MORC1: variants seen among roughly 807,000 people sequenced by gnomAD.
MORC1 encodes the protein MORC family CW-type zinc finger 1, also known as MORC family CW-type zinc finger protein 1.
A neutral mutation model predicts 134.9 loss-of-function variants in MORC1; 59 were observed. That is an observed-to-expected ratio of 0.44 (90% CI 0.35 to 0.54). The LOEUF is 0.54. Ranked by LOEUF, MORC1 falls within the 20% of genes least tolerant of loss-of-function variation. MORC1 has a pLI of 0.00. For missense variants in MORC1, 947 were observed against 1,134.5 expected (o/e 0.83, Z 2.37); for synonymous variants, 395 against 391.7 (o/e 1.01, Z -0.10).
chr3:108,990,335 A>AC (rs1020343212), intron 21 of MORC1, among the ~76,000 whole-genome samples: 6 of 151,234 alleles, frequency 4.0e-5, no homozygotes, highest in Non-Finnish European at 7.4e-5. Flanking sequence ...GCATAATCTG[A>AC]CCCCCCCACC....
chr3:109,043,738 C>T (rs1949615801), intron 14 of MORC1, among the ~76,000 whole-genome samples: 1 of 152,174 alleles, frequency 6.6e-6, no homozygotes. Flanking sequence ...ATGTCTTCAA[C>T]TTGTAGGTCG....
chr3:109,000,766 A>T (rs1948383232), intron 20 of MORC1, 108 bp from the exon 21 acceptor site: 2 of 769,114 alleles, frequency 2.6e-6, no homozygotes, highest in South Asian at 4.1e-5. Flanking sequence ...AGACTTTTGT[A>T]GGATATATAG....
At chr3:109,096,207 T>C (rs905244765) in intron 6 of MORC1, among the ~76,000 whole-genome samples, 1 of 151,958 alleles carries the variant, frequency 6.6e-6, no homozygotes, top group African/African-American at 2.4e-5. Flanking sequence ...CAGAAAAAAA[T>C]TCAGTGAAAG....
intron 17 of MORC1, among the ~76,000 whole-genome samples, chr3:109,009,364 C>T (rs564111007): frequency 6.6e-6 from 1 of 152,150 alleles, no homozygotes; most frequent in Non-Finnish European, 1.5e-5. Context: ...TGCCACCACG[C>T]CCAGCTAATT....
intron 8 of MORC1, among the ~76,000 whole-genome samples, chr3:109,079,037 A>C (rs1950475345): frequency 1.3e-5 from 2 of 152,044 alleles, no homozygotes; most frequent in South Asian, 4.1e-4. Context: ...GTTCTAAAAA[A>C]TCTATGGGCA....
chr3:108,965,485 G>A (rs958530217), intron 26 of MORC1, among the ~76,000 whole-genome samples: 1 of 152,174 alleles, frequency 6.6e-6, no homozygotes, highest in African/African-American at 2.4e-5. Flanking sequence ...GATGCCAGGA[G>A]TTAGAGGTAA....
chr3:109,044,280 A>T (rs1046759992), intron 14 of MORC1, among the ~76,000 whole-genome samples: 2 of 148,286 alleles, frequency 1.3e-5, no homozygotes, highest in African/African-American at 2.5e-5. Flanking sequence ...GCACCTGGGG[A>T]AAAAAAAAAG....
At chr3:109,036,779 C>T (rs1308933991) in intron 14 of MORC1, among the ~76,000 whole-genome samples, 1 of 152,152 alleles carries the variant, frequency 6.6e-6, no homozygotes, top group Non-Finnish European at 1.5e-5. Context: ...CAGGTCTGCC[C>T]TCTTGTCTCT....
In MORC1 at chr3:108,960,065, G is replaced by A. The variant is rs571611815; in HGVS notation, c.2800-945C>T. 2.0e-5 allele frequency among the ~76,000 whole-genome samples: 3 copies of A among 152,280 alleles called. No individual in the cohort carries two copies. The East Asian group carries it at 5.8e-4, about 29-fold the overall frequency. ...TAATTTTTTAAAAAGAGAGAAATCA[G>A]CAGTTAACAAATAACAGATAACTTA... On this transcript the variant is annotated intron_variant, in intron 27 of 27. Transcript: ENST00000232603.
intron 6 of MORC1, among the ~76,000 whole-genome samples, chr3:109,098,197 C>T (rs150795482): frequency 1.5e-3 from 228 of 152,168 alleles, no homozygotes; most frequent in African/African-American, 5.1e-3. Flanking sequence ...AGATGCACTC[C>T]ACCGTGCCCA....
intron 12 of MORC1, among the ~76,000 whole-genome samples, chr3:109,058,058 T>C (rs1236550190): frequency 6.6e-6 from 1 of 152,226 alleles, no homozygotes; most frequent in Non-Finnish European, 1.5e-5. Flanking sequence ...TTGTGTGAGT[T>C]TTCTATTAAA....
intron 16 of MORC1, among the ~76,000 whole-genome samples, chr3:109,029,554 C>G (rs1949185722): frequency 6.6e-6 from 1 of 152,096 alleles, no homozygotes. Flanking sequence ...ATCATTTTTT[C>G]TCTGCTGGTA....
chr3:109,015,643 T>C lies in MORC1; in HGVS notation c.1705-8552A>G, dbSNP rs74893803. 3.0e-4 allele frequency among the ~76,000 whole-genome samples: 45 copies of C among 152,348 alleles called. No homozygotes were observed. The East Asian group carries it at 8.7e-3, about 29-fold the overall frequency. ...AGTTCTTCTAATTCTTTCAGGATTATTATCAATGTTCTTCATATGCATAGA... is the reference window on the plus strand; with the variant it reads ...AGTTCTTCTAATTCTTTCAGGATTACTATCAATGTTCTTCATATGCATAGA... On this transcript the variant is annotated intron_variant, in intron 17 of 27. Coordinates refer to ENST00000232603, the MANE Select transcript of MORC1 (RefSeq NM_014429.4).
intron 14 of MORC1, among the ~76,000 whole-genome samples, chr3:109,046,810 T>G (rs1949706376): frequency 6.6e-6 from 1 of 152,194 alleles, no homozygotes; most frequent in Non-Finnish European, 1.5e-5. Context: ...AATTAATATA[T>G]CCATTTCACA....
chr3:109,084,589 T>G (rs1156567577), intron 8 of MORC1, among the ~76,000 whole-genome samples: 4 of 151,902 alleles, frequency 2.6e-5, no homozygotes, highest in Non-Finnish European at 5.9e-5. Context: ...CCAAAGCAAT[T>G]TACACATTCA....
intron 6 of MORC1, among the ~76,000 whole-genome samples, chr3:109,097,250 C>T (rs765513608): frequency 2.0e-5 from 3 of 152,116 alleles, no homozygotes; most frequent in Admixed American, 1.3e-4. Flanking sequence ...CTTGAGACTG[C>T]TCAATAACAA....
intron 8 of MORC1, among the ~76,000 whole-genome samples, chr3:109,088,062 T>C (rs566493250): frequency 1.3e-5 from 2 of 152,004 alleles, no homozygotes; most frequent in Non-Finnish European, 2.9e-5. Context: ...TTATACCACA[T>C]ACAAAAATTA....
At chr3:109,095,091 A>G (rs770995020) in intron 6 of MORC1, 23 bp from the exon 7 acceptor site, 15 of 1,549,010 alleles carry the variant, frequency 9.7e-6, no homozygotes, top group South Asian at 3.8e-5. Context: ...AAACACATCA[A>G]TTTACTATGA....
chr3:109,047,885 T>A (rs1227796296), intron 14 of MORC1, among the ~76,000 whole-genome samples: 2 of 152,186 alleles, frequency 1.3e-5, no homozygotes, highest in Non-Finnish European at 2.9e-5. Context: ...AGAATATAAT[T>A]TTTTGAACTC....
Sources: allele counts gnomAD v4.1 joint callset (sites outside exome capture counted in the v4.1 genomes callset), GRCh38; gene constraint gnomAD v4.1.1; transcripts MANE v1.5; gene names NCBI Gene and HGNC (gene_info 2026-07-23, HGNC 2026-07-21).